The following ENSA variants were observed in gnomAD, a reference collection of about 807,000 sequenced individuals.
ENSA encodes endosulfine alpha.
In ENSA, 7 loss-of-function variants were observed where a neutral mutation model predicts 16.8. The ratio of observed to expected loss-of-function variants is 0.42; its 90% CI spans 0.24 to 0.78. ENSA has a LOEUF of 0.78. Ranked by LOEUF, ENSA falls within the 30% of genes least tolerant of loss-of-function variation. The pLI is 0.29. For missense variants in ENSA, 87 were observed against 142.3 expected (o/e 0.61, Z 1.98); for synonymous variants, 58 against 53.4 (o/e 1.09, Z -0.37).
intron 3 of ENSA, among the ~76,000 whole-genome samples, chr1:150,623,061 G>T (rs11204682): frequency 0.16 from 25,080 of 152,096 alleles, 2,537 homozygotes; most frequent in Middle Eastern, 0.23. Flanking sequence ...TCCTATCCAC[G>T]AAACAACGTT....
downstream of ENSA, chr1:150,621,956 C>T (rs1649014814): frequency 1.3e-5 from 2 of 152,140 alleles, no homozygotes; most frequent in African/African-American, 4.8e-5. Flanking sequence ...GCACCTTCTA[C>T]ATTGGTTACA....
chr1:150,629,285 G>T, intron 1 of ENSA, 129 bp downstream of exon 1: 1 of 1,512,438 alleles, frequency 6.6e-7, no homozygotes, highest in South Asian at 1.2e-5. Context: ...AGCTCACCCA[G>T]CGTGACGCAA....
At chr1:150,624,768 A>G in intron 3 of ENSA, 1 of 985,478 alleles carries the variant, frequency 1.0e-6, no homozygotes, top group Non-Finnish European at 1.2e-6. Context: ...AATGAACAGT[A>G]TGGAGTTTTT....
At chr1:150,623,940 TC>T (rs1649132498) in intron 3 of ENSA, 35 of 985,034 alleles carry the variant, frequency 3.6e-5, no homozygotes, top group Non-Finnish European at 4.2e-5. Context: ...ACACACCTCA[TC>T]CCCCCACATG....
At chr1:150,628,481 A>C (rs1397277034) in intron 1 of ENSA, among the ~76,000 whole-genome samples, 2 of 151,142 alleles carry the variant, frequency 1.3e-5, no homozygotes, top group African/African-American at 4.9e-5. Flanking sequence ...AGGGACTCTC[A>C]CTACTGTAGT....
At chr1:150,623,594 T>A (rs1286625013) in intron 3 of ENSA, 2 of 985,194 alleles carry the variant, frequency 2.0e-6, no homozygotes, top group African/African-American at 3.5e-5. Context: ...GTACAGAATT[T>A]GAGAAGATCG....
intron 3 of ENSA, chr1:150,624,467 G>A (rs903381577): frequency 1.0e-6 from 1 of 985,808 alleles, no homozygotes; most frequent in Non-Finnish European, 1.2e-6. Context: ...TGTTTCCTCA[G>A]GCCTGCAGCT....
At chr1:150,623,641 A>T (rs936555910) in intron 3 of ENSA, 22 of 955,976 alleles carry the variant, frequency 2.3e-5, no homozygotes, top group Non-Finnish European at 2.5e-5. Context: ...ATATATATTT[A>T]TATATATAAT....
chr1:150,624,533 G>A, intron 3 of ENSA: 1 of 985,902 alleles, frequency 1.0e-6, no homozygotes, highest in Non-Finnish European at 1.2e-6. Flanking sequence ...TGGGAAAGTG[G>A]GCTGGGTCAG....
At position 150,622,658 on chromosome 1, in the gene ENSA, G is replaced by T; in HGVS notation, c.*186C>A. 2 of 301,898 alleles carry T rather than the reference G, an allele frequency of 6.6e-6. No homozygotes were observed. The highest frequency in any genetic ancestry group is 1.2e-5 in the Non-Finnish European group (2 of 163,822). The allele number at this position is 301,898 out of a possible 1,614,324, so 18.7% of individuals were successfully genotyped here. On this transcript the variant is annotated 3_prime_UTR_variant, in exon 4 of 4. Transcript: ENST00000369014. ...TAAAACAAAAAAGGTTCAAGGTCTT[G>T]GTGCTCAGCCCAAGGGGCTCCATGT...
intron 3 of ENSA, chr1:150,623,901 C>T: frequency 5.1e-6 from 5 of 985,564 alleles, no homozygotes; most frequent in Non-Finnish European, 6.0e-6. Flanking sequence ...AGCCTGAACA[C>T]TGAATGGCCA....
intron 2 of ENSA, chr1:150,627,185 G>C: frequency 6.7e-7 from 1 of 1,485,880 alleles, no homozygotes; most frequent in African/African-American, 1.4e-5. Flanking sequence ...CAAATGCCTG[G>C]GGGCAGTCTG....
chr1:150,629,102 C>T, intron 1 of ENSA: 1 of 1,614,182 alleles, frequency 6.2e-7, no homozygotes, highest in East Asian at 2.2e-5. Flanking sequence ...AGACCACCAG[C>T]CATCCCCTTT....
downstream of ENSA, chr1:150,621,568 A>C (rs1648997322): frequency 6.6e-6 from 1 of 152,080 alleles, no homozygotes; most frequent in Non-Finnish European, 1.5e-5. Context: ...GCCACCGTAC[A>C]CCCGCTGGAG....
At chr1:150,625,491 C>G (rs1189187568) in intron 3 of ENSA, 151 bp downstream of exon 3, 1 of 1,355,412 alleles carries the variant, frequency 7.4e-7, no homozygotes, top group Non-Finnish European at 9.5e-7. Flanking sequence ...CCTTTTCAAC[C>G]TACATTACCT....
At chr1:150,625,853 TCCTCAAAAACAAGG>T in intron 2 of ENSA, 45 bp from the exon 3 acceptor site, 1 of 1,519,978 alleles carries the variant, frequency 6.6e-7, no homozygotes, top group Non-Finnish European at 8.8e-7. Context: ...ACTCTGGCCT[TCCTCAAAAACAAGG>T]AGACTCACAT....
Position 150,629,585 on chromosome 1 carries a change from CTCAG to C in ENSA, c.-119_-116del, listed in dbSNP as rs753248126. 122 of 1,369,506 alleles carry C rather than the reference CTCAG, an allele frequency of 8.9e-5. No individual in the cohort carries two copies. The highest frequency in any genetic ancestry group is 1.1e-4 in the Non-Finnish European group (112 of 1,000,092). The allele number at this position is 1,369,506 out of a possible 1,614,324, so 84.8% of individuals were successfully genotyped here. Reference sequence around the variant, plus strand: ...GCTTCGGCTCCTGTCACTAGGGTTGCTCAGTCAAAATGGCGGCCCTTGCCCGTGA... The same window carrying C: ...GCTTCGGCTCCTGTCACTAGGGTTGCTCAAAATGGCGGCCCTTGCCCGTGA... On this transcript the variant is annotated 5_prime_UTR_variant, in exon 1 of 4. Coordinates refer to ENST00000369014, the MANE Select transcript of ENSA (RefSeq NM_004436.4).
rs145047562 is a variant in ENSA, at chr1:150,624,538, G to T, written c.350+1104C>A. 1.8e-3 allele frequency: 1,768 copies of T among 985,838 alleles called. 24 individuals carry two copies. The African/African-American group carries it at 0.029, about 16-fold the overall frequency. The allele number at this position is 985,838 out of a possible 1,614,324, so 61.1% of individuals were successfully genotyped here. On this transcript the variant is annotated intron_variant, in intron 3 of 3. Coordinates refer to ENST00000369014, the MANE Select transcript of ENSA (RefSeq NM_004436.4). ...AGAGGTAGGCTGGGAAAGTGGGCTG[G>T]GTCAGAGGCAAGAAGCTTCCATGGC... is the stretch of plus-strand genomic sequence containing the variant.
downstream of ENSA, chr1:150,621,747 A>T (rs1281819876): frequency 1.3e-5 from 2 of 152,210 alleles, no homozygotes; most frequent in Non-Finnish European, 2.9e-5. Context: ...TTGGCTTATT[A>T]CAAAGAAATA....
Sources: gnomAD v4.1 joint callset for allele counts (sites outside exome capture counted in the v4.1 genomes callset) on GRCh38, gnomAD v4.1.1 for gene constraint, MANE v1.5 for transcripts, NCBI Gene and HGNC (gene_info 2026-07-23, HGNC 2026-07-21) for gene names.